The following CCDC60 variants were observed in gnomAD, a reference collection of about 807,000 sequenced individuals.
The protein encoded by CCDC60 is coiled-coil domain containing 60.
In CCDC60, 54 loss-of-function variants were observed where a neutral mutation model predicts 63.5. The ratio of observed to expected loss-of-function variants is 0.85; its 90% CI spans 0.68 to 1.07. CCDC60 has a LOEUF of 1.07. CCDC60 is among the 50% of genes least tolerant of loss of function. CCDC60 has a pLI of 0.00. For missense variants in CCDC60, 651 were observed against 684.3 expected (o/e 0.95, Z 0.54); for synonymous variants, 206 against 238.8 (o/e 0.86, Z 1.27).
At chr12:119,432,770 G>C (rs1263552626) in intron 2 of CCDC60, among the ~76,000 whole-genome samples, 1 of 152,156 alleles carries the variant, frequency 6.6e-6, no homozygotes, top group East Asian at 1.9e-4. Flanking sequence ...TATTGTTAAA[G>C]ATTAATTATA....
intron 5 of CCDC60, among the ~76,000 whole-genome samples, chr12:119,495,064 G>A (rs1015316906): frequency 2.6e-5 from 4 of 152,198 alleles, no homozygotes; most frequent in African/African-American, 9.6e-5. Flanking sequence ...GTCAAGCACT[G>A]CTCTGGGTGT....
chr12:119,363,444 T>TGC (rs994590895), intron 1 of CCDC60, among the ~76,000 whole-genome samples: 1 of 152,156 alleles, frequency 6.6e-6, no homozygotes, highest in Admixed American at 6.6e-5. Context: ...TGTGTGTGTG[T>TGC]GTATTCACGA....
chr12:119,428,195 A>C (rs1716467), intron 1 of CCDC60, among the ~76,000 whole-genome samples: 85,404 of 151,912 alleles, frequency 0.56, 24,276 homozygotes, highest in East Asian at 0.75. Context: ...GCATCTTTAC[A>C]TTGACAAGAT....
At chr12:119,496,360 T>G (rs1340540665) in intron 5 of CCDC60, among the ~76,000 whole-genome samples, 1 of 152,194 alleles carries the variant, frequency 6.6e-6, no homozygotes, top group Non-Finnish European at 1.5e-5. Context: ...AAAATGTGCT[T>G]GGCGGATATA....
intron 8 of CCDC60, among the ~76,000 whole-genome samples, chr12:119,519,467 A>ATT (rs60025828): frequency 0.066 from 6,251 of 95,226 alleles, 469 homozygotes; most frequent in African/African-American, 0.18. Context: ...ATATATATAT[A>ATT]TTTTTTTTTT....
chr12:119,486,363 C>A (rs1214591267), intron 4 of CCDC60, among the ~76,000 whole-genome samples: 1 of 151,992 alleles, frequency 6.6e-6, no homozygotes, highest in Non-Finnish European at 1.5e-5. Context: ...GTAGGAAGTC[C>A]CCATCTCTAC....
At chr12:119,404,215 G>A (rs757785524) in intron 1 of CCDC60, among the ~76,000 whole-genome samples, 5 of 152,158 alleles carry the variant, frequency 3.3e-5, no homozygotes, top group Admixed American at 6.5e-5. Context: ...ACTTGAACCC[G>A]GGAGGCTGAG....
intron 2 of CCDC60, chr12:119,433,468 G>A (rs1316742667): frequency 1.4e-6 from 1 of 702,332 alleles, no homozygotes; most frequent in Admixed American, 2.0e-5. Context: ...AAACGACAAT[G>A]AGATGTTCCA....
At chr12:119,359,536 CT>C (rs57310847) in intron 1 of CCDC60, among the ~76,000 whole-genome samples, 31,971 of 137,278 alleles carry the variant, frequency 0.23, 3,790 homozygotes, top group Middle Eastern at 0.36. Context: ...TATCACAGGT[CT>C]TTTTTTTTTT....
intron 5 of CCDC60, among the ~76,000 whole-genome samples, chr12:119,489,805 CTTTTT>C (rs764715710): frequency 1.4e-5 from 2 of 144,478 alleles, no homozygotes; most frequent in South Asian, 4.4e-4. Flanking sequence ...AAACCTGAGT[CTTTTT>C]TTTTTTTAGA....
rs1950757879 is a variant in CCDC60 at position 119,456,820 on chromosome 12, C to G, written c.171-15174C>G. Among the ~76,000 whole-genome samples the G allele has an allele frequency of 6.6e-6, 1 of 152,170 alleles. No individual in the cohort carries two copies. Among genetic ancestry groups the G allele is most frequent in the Non-Finnish European group, 1.5e-5 (1 of 68,032 alleles). On this transcript the variant is annotated intron_variant, in intron 2 of 13. Transcript: ENST00000327554. This position sits in a 1 kb window ranked among gnomAD's most constrained non-coding sequence, Gnocchi z 4.6. Reference sequence around the variant, plus strand: ...GCAGTGAGGACGACCAGAGGTCACTCTTGTCGCCATCTTGGTTTTGGTGAG... The same window carrying G: ...GCAGTGAGGACGACCAGAGGTCACTGTTGTCGCCATCTTGGTTTTGGTGAG...
At chr12:119,453,407 G>A (rs1950670229) in intron 2 of CCDC60, among the ~76,000 whole-genome samples, 1 of 152,122 alleles carries the variant, frequency 6.6e-6, no homozygotes, top group African/African-American at 2.4e-5. Context: ...TAATTAGAAG[G>A]CTTCTGCATG....
chr12:119,353,556 C>T (rs1284332528), intron 1 of CCDC60, among the ~76,000 whole-genome samples: 1 of 145,624 alleles, frequency 6.9e-6, no homozygotes, highest in Non-Finnish European at 1.5e-5. Context: ...CTCTATGTTT[C>T]TCTCCTTCTC....
chr12:119,427,835 T>C (rs1442187296), intron 1 of CCDC60, among the ~76,000 whole-genome samples: 1 of 152,168 alleles, frequency 6.6e-6, no homozygotes, highest in African/African-American at 2.4e-5. Context: ...ACTTTTATAC[T>C]AAAATATAAT....
intron 1 of CCDC60, among the ~76,000 whole-genome samples, chr12:119,338,229 C>T (rs1421839362): frequency 6.6e-6 from 1 of 152,044 alleles, no homozygotes. Context: ...CCTAATCTAG[C>T]GTCAATAGAA....
intron 1 of CCDC60, among the ~76,000 whole-genome samples, chr12:119,399,377 C>T (rs1244312216): frequency 6.6e-6 from 1 of 152,212 alleles, no homozygotes; most frequent in African/African-American, 2.4e-5. Context: ...CCTTGCCCTC[C>T]CATCTGTTCT....
At chr12:119,470,976 G>T (rs890060581) in intron 2 of CCDC60, among the ~76,000 whole-genome samples, 85 of 152,318 alleles carry the variant, frequency 5.6e-4, no homozygotes, top group African/African-American at 1.9e-3. Context: ...ATTGATGGTT[G>T]CTTATTAGGA....
At chr12:119,404,457 A>G (rs754864096) in intron 1 of CCDC60, among the ~76,000 whole-genome samples, 1 of 152,100 alleles carries the variant, frequency 6.6e-6, no homozygotes, top group Non-Finnish European at 1.5e-5. Context: ...CCTGCCATCA[A>G]TGAGACCCTG....
chr12:119,363,251 C>T (rs562966992), intron 1 of CCDC60, among the ~76,000 whole-genome samples: 46 of 152,188 alleles, frequency 3.0e-4, no homozygotes, highest in African/African-American at 1.0e-3. Flanking sequence ...CCTCATCGTG[C>T]TTTTAACCTG....
Sources: gnomAD v4.1 joint callset for allele counts (sites outside exome capture counted in the v4.1 genomes callset) on GRCh38, gnomAD v4.1.1 for gene constraint, Gnocchi (gnomAD v3.1) non-coding constraint, MANE v1.5 for transcripts, NCBI Gene and HGNC (gene_info 2026-07-23, HGNC 2026-07-21) for gene names.